SLIT3: variants seen among roughly 807,000 people sequenced by gnomAD.
The protein encoded by SLIT3 is slit guidance ligand 3.
SLIT3 carries 68 observed loss-of-function variants against 184.0 expected under a neutral mutation model. The observed-to-expected ratio is 0.37, with a 90% CI of 0.30 to 0.45. The LOEUF is 0.45. SLIT3 is among the 20% of genes least tolerant of loss of function. SLIT3 has a pLI of 1.00. For synonymous variants in SLIT3, 831 were observed against 828.6 expected (o/e 1.00, Z -0.05); for missense variants, 1,707 against 2,026.0 (o/e 0.84, Z 3.02).
chr5:168,668,281 A>G, intron 35 of SLIT3, among the ~76,000 whole-genome samples: 1 of 152,164 alleles, frequency 6.6e-6, no homozygotes, highest in East Asian at 1.9e-4. Context: ...TTGGATACAT[A>G]TGCGAATCAT....
chr5:169,192,975 T>C, intron 4 of SLIT3, among the ~76,000 whole-genome samples: 1 of 152,190 alleles, frequency 6.6e-6, no homozygotes, highest in Admixed American at 6.5e-5. Context: ...AACACATTTC[T>C]TCCTTTTCCC....
At chr5:169,231,141 C>G (rs1764987214) in intron 3 of SLIT3, among the ~76,000 whole-genome samples, 1 of 152,150 alleles carries the variant, frequency 6.6e-6, no homozygotes, top group South Asian at 2.1e-4. Flanking sequence ...TGGGTTTTCT[C>G]ACAGCTTCAA....
chr5:168,669,213 G>A (rs1210503689), intron 35 of SLIT3, among the ~76,000 whole-genome samples: 5 of 152,220 alleles, frequency 3.3e-5, no homozygotes, highest in Non-Finnish European at 7.3e-5. Context: ...GCAATGTGGT[G>A]GAAATGATGG....
At chr5:168,876,369 T>G (rs12152755) in intron 5 of SLIT3, among the ~76,000 whole-genome samples, 20,757 of 151,948 alleles carry the variant, frequency 0.14, 1,636 homozygotes, top group African/African-American at 0.2. Flanking sequence ...ACTCCCCTAT[T>G]AGGAACCCCC....
At chr5:169,026,435 A>G (rs1316467261) in intron 4 of SLIT3, 1 of 152,206 alleles carries the variant, frequency 6.6e-6, no homozygotes, top group East Asian at 1.9e-4. Flanking sequence ...TTGCAGAGAC[A>G]AGCAAATATC....
chr5:168,909,688 A>C (rs1261163988), intron 4 of SLIT3, among the ~76,000 whole-genome samples: 1 of 152,206 alleles, frequency 6.6e-6, no homozygotes, highest in Non-Finnish European at 1.5e-5. Flanking sequence ...AGGCATTATA[A>C]GAAGAAAGAG....
At chr5:168,977,547 C>T (rs1166528384) in intron 4 of SLIT3, among the ~76,000 whole-genome samples, 1 of 152,142 alleles carries the variant, frequency 6.6e-6, no homozygotes, top group Non-Finnish European at 1.5e-5. Context: ...GAGGTTCTCC[C>T]TCCATGACAT....
intron 7 of SLIT3, among the ~76,000 whole-genome samples, chr5:168,818,346 G>A (rs925447092): frequency 6.6e-6 from 1 of 152,184 alleles, no homozygotes; most frequent in Non-Finnish European, 1.5e-5. Flanking sequence ...TCACTTCTGA[G>A]GGGAATCCCA....
At chr5:168,991,545 C>A (rs1014016786) in intron 4 of SLIT3, among the ~76,000 whole-genome samples, 2 of 152,194 alleles carry the variant, frequency 1.3e-5, no homozygotes, top group Non-Finnish European at 2.9e-5. Context: ...TCCCCACTGC[C>A]CCCACCACCC....
chr5:168,952,146 C>A (rs902133443), intron 4 of SLIT3, among the ~76,000 whole-genome samples: 18 of 152,178 alleles, frequency 1.2e-4, no homozygotes, highest in African/African-American at 4.3e-4. Context: ...CGAAGCCATG[C>A]ATCATGGGGC....
chr5:168,707,972 A>G lies in SLIT3; in HGVS notation c.2844+4T>C, dbSNP rs2113307326. ...AACACGGGGGGGCAGGGCCTCCAGCATACCTTGTAGCTGTAGGGGCAGGCA... is the reference window on the plus strand; with the variant it reads ...AACACGGGGGGGCAGGGCCTCCAGCGTACCTTGTAGCTGTAGGGGCAGGCA... On this transcript the variant is annotated splice_donor_region_variant and intron_variant, in intron 26 of 35. Coordinates refer to ENST00000519560, the MANE Select transcript of SLIT3 (RefSeq NM_003062.4). The G allele has an allele frequency of 6.2e-7, 1 of 1,614,122 alleles. No homozygotes were observed. Among genetic ancestry groups the G allele is most frequent in the East Asian group, 2.2e-5 (1 of 44,866 alleles).
At chr5:168,890,279 G>A (rs1236266722) in intron 4 of SLIT3, among the ~76,000 whole-genome samples, 1 of 152,142 alleles carries the variant, frequency 6.6e-6, no homozygotes, top group Non-Finnish European at 1.5e-5. Context: ...TTTAGCTGGG[G>A]CCCAAAATCT....
At chr5:169,157,238 AG>A (rs1019205957) in intron 4 of SLIT3, among the ~76,000 whole-genome samples, 1 of 151,116 alleles carries the variant, frequency 6.6e-6, no homozygotes, top group African/African-American at 2.5e-5. Context: ...AACAGATAAA[AG>A]GTACCCCTCC....
intron 3 of SLIT3, among the ~76,000 whole-genome samples, chr5:169,221,828 A>G (rs932751871): frequency 6.6e-6 from 1 of 152,208 alleles, no homozygotes; most frequent in African/African-American, 2.4e-5. Flanking sequence ...TCTTCCCACT[A>G]TGTCTCTGCC....
rs146502388 is a variant in SLIT3 at position 168,722,294 on chromosome 5, G to T, written c.2445C>A (p.Pro815=). Residue 815 remains proline (P), a synonymous_variant, in exon 23 of 36, where the codon CCC becomes CCA. Coordinates refer to ENST00000519560, the MANE Select transcript of SLIT3 (RefSeq NM_003062.4). The part of the protein sequence containing the change: ...ILSYNRLRCI[P]VHAFNGLRSL... ...ACCGCAGCCCGTTGAAGGCGTGGACGGGGATGCACCTCAGCCGGTTGTAGC... is the reference window on the plus strand; with the variant it reads ...ACCGCAGCCCGTTGAAGGCGTGGACTGGGATGCACCTCAGCCGGTTGTAGC... The T allele has an allele frequency of 1.2e-6, 2 of 1,614,152 alleles. No individual in the cohort carries two copies. The highest frequency in any genetic ancestry group is 1.7e-6 in the Non-Finnish European group (2 of 1,180,022).
At chr5:169,013,448 G>A (rs1005056017) in intron 4 of SLIT3, 3 of 152,230 alleles carry the variant, frequency 2.0e-5, no homozygotes, top group African/African-American at 7.2e-5. Flanking sequence ...AGCCGAAATG[G>A]AGCAAAATGG....
chr5:168,722,713 C>T (rs1202601388), intron 22 of SLIT3, among the ~76,000 whole-genome samples: 1 of 152,220 alleles, frequency 6.6e-6, no homozygotes, highest in African/African-American at 2.4e-5. Flanking sequence ...CAGCCTTCTT[C>T]AGAAGCGACG....
At chr5:169,188,261 G>A (rs752344611) in intron 4 of SLIT3, among the ~76,000 whole-genome samples, 4 of 152,198 alleles carry the variant, frequency 2.6e-5, no homozygotes, top group Non-Finnish European at 4.4e-5. Context: ...TTCCAGCCAC[G>A]CAGAGGATTT....
chr5:168,673,066 T>C, intron 33 of SLIT3, 111 bp downstream of exon 33: 1 of 1,004,112 alleles, frequency 1.0e-6, no homozygotes, highest in Non-Finnish European at 1.5e-6. Context: ...AGCTTCGTTG[T>C]CCCTTCCTCC....
Sources: gnomAD v4.1 joint callset for allele counts (sites outside exome capture counted in the v4.1 genomes callset) on GRCh38, gnomAD v4.1.1 for gene constraint, MANE v1.5 for transcripts, NCBI Gene and HGNC (gene_info 2026-07-23, HGNC 2026-07-21) for gene names.